Variants in RIMS1 observed in about 807,000 individuals in gnomAD.
RIMS1 encodes the protein regulating synaptic membrane exocytosis protein 1.
RIMS1 carries 83 observed loss-of-function variants against 214.1 expected under a neutral mutation model. That is an observed-to-expected ratio of 0.39 (90% CI 0.32 to 0.47). The LOEUF is 0.47. RIMS1 is among the 20% of genes least tolerant of loss of function. The probability of loss-of-function intolerance (pLI) is 0.99; values close to 1 mark genes in which losing one functional copy is unlikely to be tolerated. For missense variants in RIMS1, 2,050 were observed against 2,161.8 expected (o/e 0.95, Z 1.03); for synonymous variants, 793 against 786.8 (o/e 1.01, Z -0.13).
intron 24 of RIMS1, among the ~76,000 whole-genome samples, chr6:72,289,727 A>T (rs549255464): frequency 6.6e-6 from 1 of 152,274 alleles, no homozygotes; most frequent in South Asian, 2.1e-4. Context: ...GGTGATAAAT[A>T]TGTATTCTTT....
intron 6 of RIMS1, chr6:72,213,048 T>A: frequency 6.5e-7 from 1 of 1,531,146 alleles, no homozygotes; most frequent in Admixed American, 2.0e-5. Context: ...TTAGATAAGA[T>A]CTTGAGCAGC....
intron 2 of RIMS1, among the ~76,000 whole-genome samples, chr6:72,045,588 T>C (rs2152109379): frequency 6.6e-6 from 1 of 152,180 alleles, no homozygotes; most frequent in South Asian, 2.1e-4. Context: ...TTAATGCTTT[T>C]GTTATATTGA....
chr6:72,129,872 T>C (rs1419321732), intron 4 of RIMS1, among the ~76,000 whole-genome samples: 2 of 152,128 alleles, frequency 1.3e-5, no homozygotes, highest in Non-Finnish European at 2.9e-5. Context: ...AAACATGGCC[T>C]GGTAGGTCAC....
intron 15 of RIMS1, 50 bp downstream of exon 15, chr6:72,251,418 C>G: frequency 7.7e-7 from 1 of 1,305,780 alleles, no homozygotes; most frequent in Non-Finnish European, 1.0e-6. Flanking sequence ...CTGTAATGAT[C>G]TAATTAGTGA....
At chr6:72,171,662 G>A (rs964336518) in intron 4 of RIMS1, among the ~76,000 whole-genome samples, 1 of 152,134 alleles carries the variant, frequency 6.6e-6, no homozygotes, top group Non-Finnish European at 1.5e-5. Context: ...GTTGGCCTGA[G>A]TGAATTGCAA....
chr6:72,004,488 A>G (rs1405062857), intron 2 of RIMS1, among the ~76,000 whole-genome samples: 5 of 151,754 alleles, frequency 3.3e-5, no homozygotes, highest in Admixed American at 2.0e-4. Context: ...TCCCACCAAC[A>G]GTGTAAAAGT....
intron 2 of RIMS1, among the ~76,000 whole-genome samples, chr6:72,052,529 A>G (rs573448231): frequency 6.6e-6 from 1 of 152,324 alleles, no homozygotes; most frequent in African/African-American, 2.4e-5. Context: ...GAAAATATTC[A>G]TCATCTACAT....
At chr6:72,248,268 C>T (rs2071211024) in intron 12 of RIMS1, 141 bp downstream of exon 12, 2 of 531,214 alleles carry the variant, frequency 3.8e-6, no homozygotes, top group East Asian at 2.9e-5. Context: ...ATTAGTTTTT[C>T]ATGCATTTTT....
chr6:72,160,903 G>A (rs2045294434), intron 4 of RIMS1, among the ~76,000 whole-genome samples: 1 of 140,196 alleles, frequency 7.1e-6, no homozygotes, highest in South Asian at 2.4e-4. Flanking sequence ...CTCATAAAAT[G>A]AGTTAGGGAG....
rs144414595 is a variant in RIMS1 at position 72,306,513 on chromosome 6, A to G, written c.3851-745A>G. On this transcript the variant is annotated intron_variant, in intron 26 of 33. Coordinates refer to ENST00000521978, the MANE Select transcript of RIMS1 (RefSeq NM_014989.7). ...TGGATTCTAACTTAGAACAATTCAT[A>G]CTTTATCAAAGGCTGCAATTCTTGC... Among the ~76,000 whole-genome samples, 90 of 152,342 alleles carry G rather than the reference A, an allele frequency of 5.9e-4. 2 individuals carry two copies. Among genetic ancestry groups the G allele is most frequent in the South Asian group, 5.6e-3 (27 of 4,832 alleles).
At chr6:72,233,936 T>C in intron 7 of RIMS1, 96 bp downstream of exon 7, 1 of 777,134 alleles carries the variant, frequency 1.3e-6, no homozygotes. Context: ...ATTATTCATT[T>C]GGTAAGGGCA....
chr6:72,233,914 G>C, intron 7 of RIMS1, 74 bp downstream of exon 7: 1 of 910,656 alleles, frequency 1.1e-6, no homozygotes, highest in Non-Finnish European at 1.8e-6. Flanking sequence ...TCTGATATGT[G>C]ATATCTGCTC....
intron 6 of RIMS1, among the ~76,000 whole-genome samples, chr6:72,191,604 A>G (rs1045658103): frequency 3.3e-5 from 5 of 152,258 alleles, no homozygotes; most frequent in Non-Finnish European, 7.3e-5. Flanking sequence ...AGAACAGTAA[A>G]GGTATATTGC....
chr6:72,359,060 G>A (rs1252291392), intron 29 of RIMS1, among the ~76,000 whole-genome samples: 1 of 152,190 alleles, frequency 6.6e-6, no homozygotes, highest in East Asian at 1.9e-4. Flanking sequence ...AGAAAGCAAT[G>A]TTCTGTGTTG....
intron 1 of RIMS1, among the ~76,000 whole-genome samples, chr6:71,926,510 A>G (rs1781604132): frequency 6.6e-6 from 1 of 152,220 alleles, no homozygotes; most frequent in South Asian, 2.1e-4. Context: ...AGTCATCTAT[A>G]TAAAGCTGAT....
At chr6:72,072,792 GT>G (rs1463029660) in intron 2 of RIMS1, among the ~76,000 whole-genome samples, 1 of 152,088 alleles carries the variant, frequency 6.6e-6, no homozygotes, top group Non-Finnish European at 1.5e-5. Context: ...CATAAGATAA[GT>G]TACTGGAAAT....
At chr6:72,135,971 T>C (rs1449631822) in intron 4 of RIMS1, among the ~76,000 whole-genome samples, 1 of 152,070 alleles carries the variant, frequency 6.6e-6, no homozygotes, top group Non-Finnish European at 1.5e-5. Context: ...TCCATGACAT[T>C]TGAAATAACA....
At chr6:72,233,101 C>T (rs965187187) in intron 6 of RIMS1, among the ~76,000 whole-genome samples, 1 of 151,822 alleles carries the variant, frequency 6.6e-6, no homozygotes, top group African/African-American at 2.4e-5. Flanking sequence ...AGCACTGATA[C>T]TTTCCATTGA....
At chr6:72,012,242 A>G (rs1389269321) in intron 2 of RIMS1, among the ~76,000 whole-genome samples, 1 of 151,970 alleles carries the variant, frequency 6.6e-6, no homozygotes, top group Non-Finnish European at 1.5e-5. Flanking sequence ...AAAAAACCAA[A>G]CACCGCATGT....
Sources: gnomAD v4.1 joint callset for allele counts (sites outside exome capture counted in the v4.1 genomes callset) on GRCh38, gnomAD v4.1.1 for gene constraint, MANE v1.5 for transcripts, NCBI Gene and HGNC (gene_info 2026-07-23, HGNC 2026-07-21) for gene names.